Variants in XKR6 observed in about 807,000 individuals in gnomAD.
The protein encoded by XKR6 is XK-related protein 6.
Under a neutral mutation model 56.7 loss-of-function variants are expected in XKR6, and 22 were observed. The ratio of observed to expected loss-of-function variants is 0.39; its 90% CI spans 0.28 to 0.55. The LOEUF (loss-of-function observed/expected upper bound fraction) is 0.55. Among genes scored for constraint, XKR6 ranks in the 20% least tolerant of loss-of-function variants. The pLI is 0.66. For missense variants in XKR6, 852 were observed against 889.0 expected (o/e 0.96, Z 0.53); for synonymous variants, 524 against 387.8 (o/e 1.35, Z -4.13).
chr8:11,072,712 G>T lies in XKR6; in HGVS notation c.764+127864C>A, dbSNP rs1003964070. ...GGTGGTCAGAGGGCAAAACAGGTGT[G>T]GCCAGAGTGTCTGAACTGTGCCTGA... On this transcript the variant is annotated intron_variant, in intron 1 of 2. Transcript: ENST00000416569. Among the ~76,000 whole-genome samples, 5 of 152,310 alleles carry T rather than the reference G, an allele frequency of 3.3e-5. No individual in the cohort carries two copies. The South Asian group carries it at 1.0e-3, about 32-fold the overall frequency.
At chr8:10,945,187 A>T (rs752170559) in intron 1 of XKR6, among the ~76,000 whole-genome samples, 1 of 152,190 alleles carries the variant, frequency 6.6e-6, no homozygotes, top group African/African-American at 2.4e-5. Flanking sequence ...AACTTGATTA[A>T]AAAGGCCAAA....
chr8:11,083,347 C>T (rs903440513), intron 1 of XKR6, among the ~76,000 whole-genome samples: 4 of 152,130 alleles, frequency 2.6e-5, no homozygotes, highest in African/African-American at 7.2e-5. Context: ...TGCAATTTTC[C>T]CCAGATTACA....
Position 11,120,525 on chromosome 8 carries a change from C to A in XKR6, c.764+80051G>T, listed in dbSNP as rs977566588. On this transcript the variant is annotated intron_variant, in intron 1 of 2. Transcript: ENST00000416569. ...AGGAGAACTACAAACCACTGCTCAA[C>A]GAAATAAAAGAGGATACAAACAAAT... Among the ~76,000 whole-genome samples the A allele has an allele frequency of 3.9e-5, 6 of 151,950 alleles. No homozygotes were observed. In the East Asian group the frequency reaches 7.7e-4, roughly 20 times the overall value.
chr8:11,103,617 T>C (rs1798568324), intron 1 of XKR6, among the ~76,000 whole-genome samples: 1 of 152,138 alleles, frequency 6.6e-6, no homozygotes, highest in Admixed American at 6.5e-5. Context: ...ACCATTCAAG[T>C]AGTAAAGAAA....
chr8:10,964,834 G>T (rs554609515), intron 1 of XKR6, among the ~76,000 whole-genome samples: 1 of 152,328 alleles, frequency 6.6e-6, no homozygotes, highest in African/African-American at 2.4e-5. Context: ...TAAACCTGCA[G>T]CATCCTCTAA....
At chr8:10,942,519 C>T (rs1457062148) in intron 1 of XKR6, among the ~76,000 whole-genome samples, 2 of 152,218 alleles carry the variant, frequency 1.3e-5, no homozygotes, top group South Asian at 2.1e-4. Flanking sequence ...ACTGTGGCCT[C>T]CACAGGGAGG....
At chr8:11,195,472 G>A (rs1052357610) in intron 1 of XKR6, among the ~76,000 whole-genome samples, 19 of 151,888 alleles carry the variant, frequency 1.3e-4, no homozygotes, top group African/African-American at 2.7e-4. Flanking sequence ...TCTCCTTTGC[G>A]AACTATCTGC....
chr8:11,133,150 T>A (rs550393910), intron 1 of XKR6, among the ~76,000 whole-genome samples: 3 of 152,148 alleles, frequency 2.0e-5, no homozygotes, highest in African/African-American at 7.2e-5. Context: ...GTACGAGGAA[T>A]TGAAACCTAA....
intron 1 of XKR6, among the ~76,000 whole-genome samples, chr8:11,098,242 A>C (rs2129175086): frequency 6.6e-6 from 1 of 151,622 alleles, no homozygotes; most frequent in African/African-American, 2.4e-5. Context: ...CACACGCACA[A>C]CACACACACA....
chr8:11,005,794 A>T (rs1798353836), intron 1 of XKR6, among the ~76,000 whole-genome samples: 1 of 151,440 alleles, frequency 6.6e-6, no homozygotes, highest in Admixed American at 6.6e-5. Context: ...TACAGTTTTC[A>T]AGGTTTGTAT....
intron 1 of XKR6, among the ~76,000 whole-genome samples, chr8:11,075,874 C>A (rs6993381): frequency 2.6e-5 from 4 of 152,088 alleles, no homozygotes; most frequent in Admixed American, 1.3e-4. Context: ...CTCTGTCCCC[C>A]CGACCCAAAA....
chr8:11,160,775 G>A (rs946452039), intron 1 of XKR6, among the ~76,000 whole-genome samples: 6 of 152,050 alleles, frequency 3.9e-5, no homozygotes, highest in African/African-American at 9.6e-5. Context: ...GGGTATGGTG[G>A]CACTTGCCTG....
intron 1 of XKR6, among the ~76,000 whole-genome samples, chr8:11,099,960 C>T (rs990079359): frequency 5.9e-5 from 9 of 152,160 alleles, no homozygotes; most frequent in Non-Finnish European, 1.2e-4. Flanking sequence ...TGCAAGGGCC[C>T]TGAGGCACGG....
At chr8:10,940,029 G>T (rs1801342016) in intron 1 of XKR6, among the ~76,000 whole-genome samples, 1 of 152,206 alleles carries the variant, frequency 6.6e-6, no homozygotes, top group African/African-American at 2.4e-5. Flanking sequence ...GAGAAATCCT[G>T]CGTCGACGTG....
intron 1 of XKR6, among the ~76,000 whole-genome samples, chr8:11,141,198 G>C (rs574171885): frequency 8.7e-4 from 132 of 152,320 alleles, no homozygotes; most frequent in Admixed American, 2.0e-3. Context: ...CTGTTATTCA[G>C]AGACTTCCTA....
At chr8:11,074,748 T>A (rs1012667555) in intron 1 of XKR6, among the ~76,000 whole-genome samples, 8 of 152,096 alleles carry the variant, frequency 5.3e-5, no homozygotes, top group Admixed American at 1.3e-4. Context: ...CCCAGGTGCT[T>A]TGGGGTTCCA....
intron 1 of XKR6, among the ~76,000 whole-genome samples, chr8:11,130,033 C>G (rs1800025559): frequency 3.3e-5 from 5 of 152,082 alleles, no homozygotes. Flanking sequence ...CAATAAAGCG[C>G]TGAAATTAAT....
chr8:11,059,018 G>T (rs1241892464), intron 1 of XKR6, among the ~76,000 whole-genome samples: 4 of 152,232 alleles, frequency 2.6e-5, no homozygotes, highest in Non-Finnish European at 4.4e-5. Flanking sequence ...TCAGAAAGTT[G>T]AAATAGCGGC....
chr8:10,927,140 G>A lies in XKR6; in HGVS notation c.765-2310C>T, dbSNP rs933982578. On this transcript the variant is annotated intron_variant, in intron 1 of 2. Transcript: ENST00000416569. ...TGTCATCATCGGTAGTTTGGGAGGGGCTGAGGGTGAGCCCCTGATGGAGGG... is the reference window on the plus strand; with the variant it reads ...TGTCATCATCGGTAGTTTGGGAGGGACTGAGGGTGAGCCCCTGATGGAGGG... Among the ~76,000 whole-genome samples the A allele has an allele frequency of 2.6e-5, 4 of 152,166 alleles. 1 individual carries two copies. The highest frequency in any genetic ancestry group is 2.6e-4 in the Admixed American group (4 of 15,280).
Sources: gnomAD v4.1 joint callset for allele counts (sites outside exome capture counted in the v4.1 genomes callset) on GRCh38, gnomAD v4.1.1 for gene constraint, MANE v1.5 for transcripts, NCBI Gene and HGNC (gene_info 2026-07-23, HGNC 2026-07-21) for gene names.